ZFAT: variants seen among roughly 807,000 people sequenced by gnomAD.
ZFAT encodes zinc finger protein ZFAT.
Under a neutral mutation model 117.7 loss-of-function variants are expected in ZFAT, and 64 were observed. The observed-to-expected ratio is 0.54, with a 90% CI of 0.44 to 0.67. ZFAT has a LOEUF of 0.67. Among genes scored for constraint, ZFAT ranks in the 30% least tolerant of loss-of-function variants. The pLI is 0.00. For missense variants in ZFAT, 1,433 were observed against 1,584.5 expected, an observed-to-expected ratio of 0.90 and a Z score of 1.62; for synonymous variants, 679 against 615.0, an observed-to-expected ratio of 1.10 and a Z score of -1.54.
Position 134,478,680 on chromosome 8 carries a change from G to A in ZFAT, c.3534C>T (p.Ile1178=), listed in dbSNP as rs756755371. The A allele has an allele frequency of 6.3e-7, 1 of 1,580,316 alleles. No individual in the cohort carries two copies. The highest frequency in any genetic ancestry group is 8.6e-7 in the Non-Finnish European group (1 of 1,163,672). Residue 1178 remains isoleucine, a synonymous_variant, in exon 16 of 16, where the codon ATC becomes ATT. Transcript: ENST00000377838. This position sits in a 1 kb window ranked among gnomAD's most constrained non-coding sequence, Gnocchi z 5.2. The part of the protein sequence containing the change: ...EEPSSNHTVM[I]QETVQQASVE... ...CGGACGCTTGCTGGACCGTCTCCTG[G>A]ATCATGACCGTGTGGTTGGAGCTGG... is the stretch of plus-strand genomic sequence containing the variant.
At chr8:134,729,893 T>C in the ZFAT span, among the ~76,000 whole-genome samples, 1 of 152,170 alleles carries the variant, frequency 6.6e-6, no homozygotes, top group African/African-American at 2.4e-5. Context: ...TAATACACAA[T>C]AACTGGATTT....
At chr8:134,700,762 C>G (rs1319826027) in intron 1 of ZFAT, among the ~76,000 whole-genome samples, 1 of 152,190 alleles carries the variant, frequency 6.6e-6, no homozygotes, top group African/African-American at 2.4e-5. Flanking sequence ...TGTGGCTTTC[C>G]TGAGCCCCTC....
At chr8:134,718,684 T>C in the ZFAT span, among the ~76,000 whole-genome samples, 1 of 151,928 alleles carries the variant, frequency 6.6e-6, no homozygotes, top group South Asian at 2.1e-4. Context: ...TGGGACCCAA[T>C]AAACCGTTGT....
chr8:134,829,636 T>C, the ZFAT span, among the ~76,000 whole-genome samples: 74 of 152,370 alleles, frequency 4.9e-4, no homozygotes, highest in African/African-American at 1.8e-3. Flanking sequence ...TTTTAGTGAA[T>C]CCCTTTTTTA....
At chr8:134,588,176 T>C (rs1042434332) in intron 9 of ZFAT, 70 bp downstream of exon 9, 17 of 1,486,070 alleles carry the variant, frequency 1.1e-5, no homozygotes, top group Non-Finnish European at 1.4e-5. Flanking sequence ...TTCCTCTTAA[T>C]GTACTCCCAA....
In ZFAT at chr8:134,574,058, TTA is replaced by T. The variant is rs1269779111; in HGVS notation, c.2888-8639_2888-8638del. Among the ~76,000 whole-genome samples, 14 of 152,244 alleles carry T rather than the reference TTA, an allele frequency of 9.2e-5. No homozygotes were observed. In the East Asian group the frequency reaches 2.3e-3, roughly 25 times the overall value. ...GGAATACTTGTTATCCTAGCTCAGG[TTA>T]GAGAGATGTGACCGACCAAACCTAC... On this transcript the variant is annotated intron_variant, in intron 10 of 15. Transcript: ENST00000377838.
intron 1 of ZFAT, among the ~76,000 whole-genome samples, chr8:134,688,995 C>A (rs758658779): frequency 1.2e-4 from 18 of 152,164 alleles, no homozygotes; most frequent in Admixed American, 3.9e-4. Flanking sequence ...GTGCTGCCTG[C>A]CCTTTTCCCT....
the ZFAT span, among the ~76,000 whole-genome samples, chr8:134,790,224 A>G: frequency 4.6e-5 from 7 of 152,222 alleles, no homozygotes; most frequent in Non-Finnish European, 8.8e-5. Flanking sequence ...TGTAGCCCTT[A>G]TATTTTGGGA....
At chr8:134,506,089 T>C (rs1819382164) in intron 15 of ZFAT, among the ~76,000 whole-genome samples, 1 of 152,230 alleles carries the variant, frequency 6.6e-6, no homozygotes, top group African/African-American at 2.4e-5. Flanking sequence ...TTCCTTTAAA[T>C]AACTAATTTT....
the ZFAT span, among the ~76,000 whole-genome samples, chr8:134,779,819 A>G: frequency 1.7e-3 from 260 of 152,260 alleles, no homozygotes; most frequent in African/African-American, 5.9e-3. Context: ...ATCAATCTTT[A>G]TATCTTCCAA....
intron 10 of ZFAT, among the ~76,000 whole-genome samples, chr8:134,572,527 TG>T (rs1483211997): frequency 6.6e-6 from 1 of 152,230 alleles, no homozygotes; most frequent in African/African-American, 2.4e-5. Context: ...CAGCCTTGAC[TG>T]GCTACGCACT....
At chr8:134,500,923 G>A (rs1376058269) in intron 15 of ZFAT, among the ~76,000 whole-genome samples, 1 of 152,178 alleles carries the variant, frequency 6.6e-6, no homozygotes, top group Non-Finnish European at 1.5e-5. Context: ...GTATAATTAG[G>A]AGTTTCATAC....
chr8:134,802,954 A>G, the ZFAT span, among the ~76,000 whole-genome samples: 4 of 152,206 alleles, frequency 2.6e-5, no homozygotes, highest in Admixed American at 2.6e-4. Flanking sequence ...CCATCTGAAA[A>G]CTACTAAAAA....
chr8:134,635,690 C>T (rs553876063), intron 3 of ZFAT, among the ~76,000 whole-genome samples: 11 of 151,702 alleles, frequency 7.3e-5, no homozygotes, highest in South Asian at 4.2e-4. Context: ...TGTGCATGCA[C>T]GCACAAGAGG....
chr8:134,752,657 A>G, the ZFAT span, among the ~76,000 whole-genome samples: 1 of 152,134 alleles, frequency 6.6e-6, no homozygotes, highest in African/African-American at 2.4e-5. Context: ...ACAGTTCTGG[A>G]TGCTGGAAAG....
intron 11 of ZFAT, among the ~76,000 whole-genome samples, chr8:134,552,988 G>A (rs1389758269): frequency 6.6e-6 from 1 of 152,234 alleles, no homozygotes; most frequent in East Asian, 1.9e-4. Context: ...CTCCAGTGCT[G>A]GGGCCTTGTG....
At chr8:134,713,532 G>A (rs1024349026), upstream of ZFAT, among the ~76,000 whole-genome samples, 1 of 152,144 alleles carries the variant, frequency 6.6e-6, no homozygotes, top group African/African-American at 2.4e-5. Context: ...GGGTTTTAGG[G>A]GCTACAGAGC....
chr8:134,610,006 A>G (rs138969903), intron 4 of ZFAT, among the ~76,000 whole-genome samples: 59 of 152,340 alleles, frequency 3.9e-4, no homozygotes, highest in Non-Finnish European at 6.3e-4. Flanking sequence ...CATCTTTTCT[A>G]TGTGCAGAGA....
intron 1 of ZFAT, among the ~76,000 whole-genome samples, chr8:134,662,986 A>G (rs963103374): frequency 2.0e-5 from 3 of 152,250 alleles, no homozygotes; most frequent in Non-Finnish European, 4.4e-5. Flanking sequence ...CAGCGCAGAC[A>G]TGCACGCACA....
Sources: allele counts gnomAD v4.1 joint callset (sites outside exome capture counted in the v4.1 genomes callset), GRCh38; gene constraint gnomAD v4.1.1; non-coding constraint Gnocchi (gnomAD v3.1); transcripts MANE v1.5; gene names NCBI Gene and HGNC (gene_info 2026-07-23, HGNC 2026-07-21).